Variants in DPP10 observed in about 807,000 individuals in gnomAD.
DPP10 encodes dipeptidyl peptidase like 10, also known as inactive dipeptidyl peptidase 10.
DPP10 carries 33 observed loss-of-function variants against 120.9 expected under a neutral mutation model. The observed-to-expected ratio is 0.27, with a 90% CI of 0.21 to 0.37. The LOEUF (loss-of-function observed/expected upper bound fraction) is 0.37, where lower values mean the gene tolerates loss of function less well. Ranked by LOEUF, DPP10 falls within the 10% of genes least tolerant of loss-of-function variation. The pLI is 1.00. For missense variants in DPP10, 816 were observed against 942.8 expected, an observed-to-expected ratio of 0.87 and a Z score of 1.76; for synonymous variants, 337 against 326.1, an observed-to-expected ratio of 1.03 and a Z score of -0.36.
At chr2:114,644,102 T>C (rs1695931177) in intron 1 of DPP10, among the ~76,000 whole-genome samples, 1 of 138,256 alleles carries the variant, frequency 7.2e-6, no homozygotes, top group Admixed American at 7.1e-5. Flanking sequence ...GCCCAGCTAT[T>C]TTTTTTTTTT....
intron 1 of DPP10, among the ~76,000 whole-genome samples, chr2:115,013,658 CAAAAA>C (rs59313783): frequency 1.3e-3 from 77 of 58,438 alleles, no homozygotes; most frequent in African/African-American, 4.1e-3. Flanking sequence ...AAATGGAAAG[CAAAAA>C]AAAAAAAAAA....
intron 1 of DPP10, among the ~76,000 whole-genome samples, chr2:114,821,018 GA>G: frequency 6.6e-6 from 1 of 152,196 alleles, no homozygotes; most frequent in Non-Finnish European, 1.5e-5. Flanking sequence ...GAAGTGGGGA[GA>G]AAGAAAGAAG....
intron 5 of DPP10, among the ~76,000 whole-genome samples, chr2:115,533,181 T>G (rs2078578441): frequency 6.6e-6 from 1 of 152,116 alleles, no homozygotes; most frequent in Non-Finnish European, 1.5e-5. Flanking sequence ...TTAAATTTAC[T>G]CTTGTTTCAG....
At chr2:114,540,708 A>T (rs1686880527) in intron 1 of DPP10, among the ~76,000 whole-genome samples, 1 of 152,238 alleles carries the variant, frequency 6.6e-6, no homozygotes. Context: ...TGATTTAATT[A>T]CATCAGGGCT....
chr2:115,744,339 C>G (rs1213386450), intron 9 of DPP10, among the ~76,000 whole-genome samples: 1 of 149,874 alleles, frequency 6.7e-6, no homozygotes, highest in Non-Finnish European at 1.5e-5. Context: ...TAGATTAAGG[C>G]CGTTATTTTG....
intron 1 of DPP10, among the ~76,000 whole-genome samples, chr2:115,259,484 C>CA (rs563035188): frequency 0.072 from 7,756 of 107,424 alleles, 197 homozygotes; most frequent in Middle Eastern, 0.13. Context: ...AACTTCATCT[C>CA]AAAAAAAAAA....
At chr2:114,999,703 C>G (rs140548447) in intron 1 of DPP10, among the ~76,000 whole-genome samples, 137 of 152,216 alleles carry the variant, frequency 9.0e-4, no homozygotes, top group Non-Finnish European at 1.6e-3. Context: ...CACAGGTGCT[C>G]CACCCTCCAC....
intron 1 of DPP10, among the ~76,000 whole-genome samples, chr2:115,001,472 G>A (rs185255462): frequency 6.6e-5 from 10 of 152,090 alleles, no homozygotes; most frequent in African/African-American, 1.2e-4. Context: ...GAAGCATTCC[G>A]CTTGAGAACC....
At chr2:115,340,940 A>G (rs2106242501) in intron 2 of DPP10, among the ~76,000 whole-genome samples, 1 of 152,216 alleles carries the variant, frequency 6.6e-6, no homozygotes, top group Non-Finnish European at 1.5e-5. Flanking sequence ...CTAAAAATTG[A>G]AGGGATCTGA....
chr2:115,064,937 A>ATG (rs1706720774), intron 1 of DPP10: 1 of 760,146 alleles, frequency 1.3e-6, no homozygotes, highest in Non-Finnish European at 1.9e-6. Context: ...ATTATTCATC[A>ATG]TAGGCCTAAT....
intron 1 of DPP10, among the ~76,000 whole-genome samples, chr2:114,497,324 C>T (rs1430537758): frequency 9.6e-5 from 2 of 20,798 alleles, no homozygotes; most frequent in East Asian, 7.7e-4. Flanking sequence ...TACATGTATA[C>T]GTGTATACAT....
At chr2:114,843,890 T>G (rs75989315) in intron 1 of DPP10, among the ~76,000 whole-genome samples, 2,047 of 152,234 alleles carry the variant, frequency 0.013, 49 homozygotes, top group African/African-American at 0.047. Context: ...TTTCATAAAT[T>G]TGTTGTTCTT....
intron 1 of DPP10, among the ~76,000 whole-genome samples, chr2:115,108,918 C>T (rs931115415): frequency 3.9e-5 from 6 of 151,924 alleles, no homozygotes; most frequent in Non-Finnish European, 7.4e-5. Flanking sequence ...ATGACAATGC[C>T]CCTGCTGTAT....
At chr2:115,496,243 A>G (rs1229820950) in intron 3 of DPP10, among the ~76,000 whole-genome samples, 3 of 152,142 alleles carry the variant, frequency 2.0e-5, no homozygotes, top group Non-Finnish European at 2.9e-5. Flanking sequence ...AAAATAATTC[A>G]TGCAAAAATC....
chr2:114,841,481 G>A (rs2901149), intron 1 of DPP10, among the ~76,000 whole-genome samples: 77,154 of 152,006 alleles, frequency 0.51, 22,005 homozygotes, highest in South Asian at 0.67. Context: ...TAGTAGACTA[G>A]ATTCAGCAAA....
rs368081759 is a variant in DPP10, at chr2:115,162,299, C to T, written c.61-146940C>T. 2.5e-5 allele frequency: 38 copies of T among 1,508,212 alleles called. No individual in the cohort carries two copies. The Middle Eastern group carries it at 6.4e-4, about 25-fold the overall frequency. 93.4% of individuals were successfully genotyped at this position (1,508,212 alleles called of 1,614,324 possible). Reference sequence around the variant, plus strand: ...TAAAGGCTGAAGGTGCCCCGGGGAACCCCGGCGGGCGGCCCACCGAGGGAG... The same window carrying T: ...TAAAGGCTGAAGGTGCCCCGGGGAATCCCGGCGGGCGGCCCACCGAGGGAG... On this transcript the variant is annotated intron_variant, in intron 1 of 25. Transcript: ENST00000410059.
At chr2:115,721,862 A>G (rs1048007528) in intron 7 of DPP10, among the ~76,000 whole-genome samples, 2 of 152,210 alleles carry the variant, frequency 1.3e-5, no homozygotes, top group Non-Finnish European at 2.9e-5. Flanking sequence ...CTCAATGTCC[A>G]TCAACAGATA....
chr2:115,015,641 A>AT (rs1333665670), intron 1 of DPP10, among the ~76,000 whole-genome samples: 3 of 152,216 alleles, frequency 2.0e-5, no homozygotes, highest in Non-Finnish European at 4.4e-5. Context: ...CTGATAAGCA[A>AT]CTTCAGCAGT....
intron 1 of DPP10, among the ~76,000 whole-genome samples, chr2:115,304,742 G>A (rs1410001128): frequency 1.3e-5 from 2 of 151,944 alleles, no homozygotes; most frequent in East Asian, 1.9e-4. Flanking sequence ...AAGCAAATCC[G>A]CTGGTTAAGA....
Sources: gnomAD v4.1 joint callset for allele counts (sites outside exome capture counted in the v4.1 genomes callset) on GRCh38, gnomAD v4.1.1 for gene constraint, MANE v1.5 for transcripts, NCBI Gene and HGNC (gene_info 2026-07-23, HGNC 2026-07-21) for gene names.